Variants in EBLN2 observed in about 807,000 individuals in gnomAD.
The protein encoded by EBLN2 is endogenous Bornavirus-like nucleoprotein 2.
For missense variants in EBLN2, 397 were observed against 324.2 expected (o/e 1.22, Z -1.72); for synonymous variants, 131 against 113.6 (o/e 1.15, Z -0.97).
rs781471266 is a variant in EBLN2, at chr3:73,062,885, A to G, written c.804A>G (p.Leu268=). The change falls in exon 1 of 1, where the codon CTA becomes CTG. Residue 268 remains leucine, a synonymous_variant. Transcript: ENST00000533473. ...FGDFESPLHK[L]RKSS ...ACTTTGAATCCCCTCTACACAAGCT[A>G]CGCAAGTCAAGTTAGTTGCCAAGAA... is the stretch of plus-strand genomic sequence containing the variant. The G allele has an allele frequency of 1.2e-6, 2 of 1,611,302 alleles. No individual in the cohort carries two copies. Among genetic ancestry groups the G allele is most frequent in the Admixed American group, 1.7e-5 (1 of 59,114 alleles).
Position 73,062,918 on chromosome 3 carries a change from A to G in EBLN2, c.*18A>G. On this transcript the variant is annotated 3_prime_UTR_variant, in exon 1 of 1. Coordinates refer to ENST00000533473, the MANE Select transcript of EBLN2 (RefSeq NM_018029.4). ...CAAGTTAGTTGCCAAGAAAGCACAG[A>G]TGACAACCTATTAATGCTGTGAGAA... 1 of 1,594,226 alleles carries G rather than the reference A, an allele frequency of 6.3e-7. No homozygotes were observed.
Position 73,061,938 on chromosome 3 carries a change from A to C in EBLN2, c.-144A>C. The C allele has an allele frequency of 1.6e-6, 1 of 614,456 alleles. No homozygotes were observed. Among genetic ancestry groups the C allele is most frequent in the South Asian group, 2.1e-5 (1 of 46,646 alleles). 38.1% of individuals were successfully genotyped at this position (614,456 alleles called of 1,614,324 possible). A position where few individuals can be genotyped will look rare whatever the true frequency, so the allele number is the denominator to read the frequency against. On this transcript the variant is annotated 5_prime_UTR_variant, in exon 1 of 1. Transcript: ENST00000533473. ...TAAGATACTAAAATAATCCCATACT[A>C]TATTTCTTGACAGAAAAACTATTAA...
rs371567595 is a variant in EBLN2, at chr3:73,062,424, C to T, written c.343C>T (p.His115Tyr). Residue 115 changes from histidine to tyrosine, a missense_variant, in exon 1 of 1, where the codon CAT becomes TAT. By Grantham distance (83) the His-to-Tyr change is moderately conservative (BLOSUM62 2). Coordinates refer to ENST00000533473, the MANE Select transcript of EBLN2 (RefSeq NM_018029.4). ...AGCCAAGTCTATGCTAGACCCAGCA[C>T]ATAAATCTCATTTCCACCCTGTGAC... is the stretch of plus-strand genomic sequence containing the variant. ...KAAKSMLDPA[H>Y]KSHFHPVTPS... is the part of the protein sequence containing the mutation. 7.4e-6 allele frequency: 12 copies of T among 1,611,288 alleles called. No individual in the cohort carries two copies. In the African/African-American group the frequency reaches 1.2e-4, roughly 16 times the overall value.
Position 73,063,016 on chromosome 3 carries a change from A to AG in EBLN2, c.*117dup, listed in dbSNP as rs1702902861. On this transcript the variant is annotated 3_prime_UTR_variant, in exon 1 of 1. Coordinates refer to ENST00000533473, the MANE Select transcript of EBLN2 (RefSeq NM_018029.4). ...GTGTCTGAGATCCCAGTCTTTGAGG[A>AG]GAAAAAAAACAATGGTTAAAAAGGC... 4.1e-6 allele frequency: 4 copies of AG among 983,584 alleles called. No individual in the cohort carries two copies. The African/African-American group carries it at 5.0e-5, about 12-fold the overall frequency. 60.9% of individuals were successfully genotyped at this position (983,584 alleles called of 1,614,324 possible).
At position 73,061,666 on chromosome 3, in the gene EBLN2, A is replaced by AG. The variant is rs756719323; in HGVS notation, c.-413dup. 5.5e-6 allele frequency: 1 copy of AG among 180,534 alleles called. No individual in the cohort carries two copies. The highest frequency in any genetic ancestry group is 2.4e-5 in the African/African-American group (1 of 41,604). 11.2% of individuals were successfully genotyped at this position (180,534 alleles called of 1,614,324 possible). Reference sequence around the variant, plus strand: ...AATGTCTCTTGGAGATGTGAAAGGCAGGGAGGGGAGGTTGTCCCCTGCTGA... The same window carrying AG: ...AATGTCTCTTGGAGATGTGAAAGGCAGGGGAGGGGAGGTTGTCCCCTGCTGA... On this transcript the variant is annotated 5_prime_UTR_variant, in exon 1 of 1. Transcript: ENST00000533473.
rs374507487 is a variant in EBLN2, at chr3:73,063,089, T to C, written c.*189T>C. On this transcript the variant is annotated 3_prime_UTR_variant, in exon 1 of 1. Transcript: ENST00000533473. Reference sequence around the variant, plus strand: ...GGGGGTGTACTTTGCCACCCCATTATTGGGGAGCTGTCACCACGAATGTTC... The same window carrying C: ...GGGGGTGTACTTTGCCACCCCATTACTGGGGAGCTGTCACCACGAATGTTC... 11 of 601,102 alleles carry C rather than the reference T, an allele frequency of 1.8e-5. No homozygotes were observed. The highest frequency in any genetic ancestry group is 1.6e-4 in the South Asian group (7 of 42,976). 37.2% of individuals were successfully genotyped at this position (601,102 alleles called of 1,614,324 possible).
chr3:73,062,351 A>T lies in EBLN2; in HGVS notation c.270A>T (p.Ala90=). Residue 90 remains alanine (A), a synonymous_variant, in exon 1 of 1, where the codon GCA becomes GCT. Transcript: ENST00000533473. The part of the protein sequence containing the change: ...SGKNRQYPLD[A]LEPQPSIGDI... ...AAAACAGACAGTATCCACTGGATGCATTGGAACCCCAACCCAGCATTGGGG... is the reference window on the plus strand; with the variant it reads ...AAAACAGACAGTATCCACTGGATGCTTTGGAACCCCAACCCAGCATTGGGG... The T allele has an allele frequency of 6.2e-7, 1 of 1,607,206 alleles. No individual in the cohort carries two copies. The highest frequency in any genetic ancestry group is 8.5e-7 in the Non-Finnish European group (1 of 1,177,892).
Position 73,062,008 on chromosome 3 carries a change from T to C in EBLN2, c.-74T>C, listed in dbSNP as rs1702869626. On this transcript the variant is annotated 5_prime_UTR_variant, in exon 1 of 1. Coordinates refer to ENST00000533473, the MANE Select transcript of EBLN2 (RefSeq NM_018029.4). ...TTTCTTTTATGAAGCAAAATATGTTTTGTTTTGCTCATGAACGTGAGGTAT... is the reference window on the plus strand; with the variant it reads ...TTTCTTTTATGAAGCAAAATATGTTCTGTTTTGCTCATGAACGTGAGGTAT... The C allele has an allele frequency of 9.3e-7, 1 of 1,077,928 alleles. No individual in the cohort carries two copies. The highest frequency in any genetic ancestry group is 1.3e-6 in the Non-Finnish European group (1 of 763,400). 66.8% of individuals were successfully genotyped at this position (1,077,928 alleles called of 1,614,324 possible).
At position 73,063,117 on chromosome 3, in the gene EBLN2, A is replaced by G. The variant is rs1702905733; in HGVS notation, c.*217A>G. On this transcript the variant is annotated 3_prime_UTR_variant, in exon 1 of 1. Coordinates refer to ENST00000533473, the MANE Select transcript of EBLN2 (RefSeq NM_018029.4). ...GGGAGCTGTCACCACGAATGTTCCC[A>G]AACTTAGCAACAGCGGCAAACTACT... 1.8e-6 allele frequency: 1 copy of G among 542,978 alleles called. No individual in the cohort carries two copies. Among genetic ancestry groups the G allele is most frequent in the Non-Finnish European group, 3.3e-6 (1 of 303,002 alleles). 33.6% of individuals were successfully genotyped at this position (542,978 alleles called of 1,614,324 possible).
At chr3:73,062,828 TGG>T in the EBLN2 span, 4 of 1,613,918 alleles carry the variant, frequency 2.5e-6, no homozygotes, top group Non-Finnish European at 3.4e-6. Context: ...GACCATGGGT[TGG>T]AGAATTAATG....
the EBLN2 span, chr3:73,062,749 C>A: frequency 2.8e-4 from 455 of 1,613,996 alleles, 4 homozygotes; most frequent in African/African-American, 5.3e-3. Context: ...GGAAGACTTT[C>A]ACATGGTGAG....
In EBLN2 at chr3:73,062,448, A is replaced by G; in HGVS notation, c.367A>G (p.Thr123Ala). 6.2e-7 allele frequency: 1 copy of G among 1,612,116 alleles called. No homozygotes were observed. The highest frequency in any genetic ancestry group is 8.5e-7 in the Non-Finnish European group (1 of 1,179,110). ...PAHKSHFHPV[T>A]PSLVFLCFIF... is the part of the protein sequence containing the mutation. Reference sequence around the variant, plus strand: ...ACATAAATCTCATTTCCACCCTGTGACCCCAAGTTTAGTATTCTTGTGTTT... The same window carrying G: ...ACATAAATCTCATTTCCACCCTGTGGCCCCAAGTTTAGTATTCTTGTGTTT... The change falls in exon 1 of 1, where the codon ACC (threonine) becomes GCC (alanine). Residue 123 changes from threonine to alanine, a missense_variant. Thr to Ala is a moderately conservative substitution (Grantham distance 58, BLOSUM62 0). Transcript: ENST00000533473.
chr3:73,061,953 A>C lies in EBLN2; in HGVS notation c.-129A>C, dbSNP rs965530747. 2.2e-5 allele frequency: 14 copies of C among 638,192 alleles called. No individual in the cohort carries two copies. The highest frequency in any genetic ancestry group is 3.5e-5 in the Non-Finnish European group (13 of 371,294). 39.5% of individuals were successfully genotyped at this position (638,192 alleles called of 1,614,324 possible). A position where few individuals can be genotyped will look rare whatever the true frequency, so the allele number is the denominator to read the frequency against. On this transcript the variant is annotated 5_prime_UTR_variant, in exon 1 of 1. Transcript: ENST00000533473. ...ATCCCATACTATATTTCTTGACAGAAAAACTATTAAAATGTATACATGATA... is the reference window on the plus strand; with the variant it reads ...ATCCCATACTATATTTCTTGACAGACAAACTATTAAAATGTATACATGATA...
chr3:73,062,184 A>C lies in EBLN2; in HGVS notation c.103A>C (p.Asn35His). 6.4e-7 allele frequency: 1 copy of C among 1,560,956 alleles called. No homozygotes were observed. Among genetic ancestry groups the C allele is most frequent in the Non-Finnish European group, 8.6e-7 (1 of 1,157,200 alleles). ...YKRSFRPMIL[N>H]KIKELSRNQF... ...AAGATCTTTTAGACCTATGATTCTT[A>C]ACAAAATTAAAGAATTAAGTCGGAA... Residue 35 changes from asparagine (N) to histidine (H), a missense_variant, in exon 1 of 1, where the codon AAC (asparagine) becomes CAC (histidine). Physicochemically the swap from Asn to His is moderately conservative, Grantham distance 68. Coordinates refer to ENST00000533473, the MANE Select transcript of EBLN2 (RefSeq NM_018029.4).
In EBLN2 at chr3:73,062,066, G is replaced by A; in HGVS notation, c.-16G>A. 6.6e-7 allele frequency: 1 copy of A among 1,509,518 alleles called. No homozygotes were observed. Among genetic ancestry groups the A allele is most frequent in the Non-Finnish European group, 8.9e-7 (1 of 1,125,922 alleles). The allele number at this position is 1,509,518 out of a possible 1,614,324, so 93.5% of individuals were successfully genotyped here. A position where few individuals can be genotyped will look rare whatever the true frequency, so the allele number is the denominator to read the frequency against. ...AAATGGTAAAGAAGTGCAGAGTCAA[G>A]TCATAGCGACTAATAATGGGTTATT... On this transcript the variant is annotated 5_prime_UTR_variant, in exon 1 of 1. Coordinates refer to ENST00000533473, the MANE Select transcript of EBLN2 (RefSeq NM_018029.4).
At position 73,062,634 on chromosome 3, in the gene EBLN2, C is replaced by T. The variant is rs781541117; in HGVS notation, c.553C>T (p.His185Tyr). 7.4e-6 allele frequency: 12 copies of T among 1,613,848 alleles called. No individual in the cohort carries two copies. Among genetic ancestry groups the T allele is most frequent in the Non-Finnish European group, 8.5e-6 (10 of 1,179,894 alleles). ...IALEKSSVLR[H>Y]CCDLLIGIAA... ...CCTTGAGAAGTCATCAGTTCTCCGC[C>T]ACTGCTGTGACCTTTTGATAGGCAT... Residue 185 changes from histidine to tyrosine, a missense_variant, in exon 1 of 1, where the codon CAC becomes TAC. Coordinates refer to ENST00000533473, the MANE Select transcript of EBLN2 (RefSeq NM_018029.4).
chr3:73,062,157 A>C lies in EBLN2; in HGVS notation c.76A>C (p.Lys26Gln). The C allele has an allele frequency of 6.5e-7, 1 of 1,549,160 alleles. No homozygotes were observed. The highest frequency in any genetic ancestry group is 1.4e-5 in the African/African-American group (1 of 72,554). Residue 26 changes from lysine to glutamine, a missense_variant, in exon 1 of 1, where the codon AAA becomes CAA. Transcript: ENST00000533473. ...TGTTTGGGTCTGTGACAGATCTTAC[A>C]AAAGATCTTTTAGACCTATGATTCT... ...LFVWVCDRSY[K>Q]RSFRPMILNK...
rs1702902635 is a variant in EBLN2, at chr3:73,063,002, C to A, written c.*102C>A. On this transcript the variant is annotated 3_prime_UTR_variant, in exon 1 of 1. Coordinates refer to ENST00000533473, the MANE Select transcript of EBLN2 (RefSeq NM_018029.4). ...CTCTACGGGCCATTGTGTCTGAGATCCCAGTCTTTGAGGAGAAAAAAAACA... is the reference window on the plus strand; with the variant it reads ...CTCTACGGGCCATTGTGTCTGAGATACCAGTCTTTGAGGAGAAAAAAAACA... The A allele has an allele frequency of 1.9e-6, 2 of 1,058,776 alleles. No individual in the cohort carries two copies. Among genetic ancestry groups the A allele is most frequent in the South Asian group, 3.0e-5 (2 of 65,990 alleles). The allele number at this position is 1,058,776 out of a possible 1,614,324, so 65.6% of individuals were successfully genotyped here.
chr3:73,063,194 T>C lies in EBLN2; in HGVS notation c.*294T>C, dbSNP rs1464007574. 7 of 403,578 alleles carry C rather than the reference T, an allele frequency of 1.7e-5. No homozygotes were observed. The highest frequency in any genetic ancestry group is 3.2e-5 in the Non-Finnish European group (7 of 215,598). The allele number at this position is 403,578 out of a possible 1,614,324, so 25.0% of individuals were successfully genotyped here. A position where few individuals can be genotyped will look rare whatever the true frequency, so the allele number is the denominator to read the frequency against. ...TTGGGATTTAAAGCTCCTGATGTTA[T>C]ACCAGGATCAACCATCACACTCCCT... On this transcript the variant is annotated 3_prime_UTR_variant, in exon 1 of 1. Transcript: ENST00000533473.
Sources: allele counts gnomAD v4.1 joint callset, GRCh38; gene constraint gnomAD v4.1.1; transcripts MANE v1.5; gene names NCBI Gene and HGNC (gene_info 2026-07-23, HGNC 2026-07-21).